The following DLC1 variants were observed in gnomAD, a reference collection of about 807,000 sequenced individuals.
DLC1 encodes DLC1 Rho GTPase activating protein, also known as rho GTPase-activating protein 7.
Under a neutral mutation model 140.3 loss-of-function variants are expected in DLC1, and 54 were observed. The observed-to-expected ratio is 0.38, with a 90% CI of 0.31 to 0.48. DLC1 has a LOEUF of 0.48. Ranked by LOEUF, DLC1 falls within the 20% of genes least tolerant of loss-of-function variation. The probability of loss-of-function intolerance (pLI) is 0.96; values close to 1 mark genes in which losing one functional copy is unlikely to be tolerated. For missense variants in DLC1, 2,536 were observed against 1,907.0 expected, an observed-to-expected ratio of 1.33 and a Z score of -6.14; for synonymous variants, 986 against 728.1, an observed-to-expected ratio of 1.35 and a Z score of -5.70.
At chr8:13,341,451 G>C (rs913900827) in intron 4 of DLC1, 1 of 150,682 alleles carries the variant, frequency 6.6e-6, no homozygotes, top group Non-Finnish European at 1.5e-5. Context: ...CCCCACACAT[G>C]GTTTCTGATT....
intron 2 of DLC1, among the ~76,000 whole-genome samples, chr8:13,492,744 C>T (rs975669884): frequency 5.3e-5 from 8 of 152,274 alleles, no homozygotes; most frequent in East Asian, 3.9e-4. Context: ...TTTTACCAGA[C>T]GCTATACCTA....
intron 5 of DLC1, among the ~76,000 whole-genome samples, chr8:13,164,830 A>G (rs1824985150): frequency 6.6e-6 from 1 of 152,192 alleles, no homozygotes; most frequent in Admixed American, 6.5e-5. Flanking sequence ...AATTCAGTGG[A>G]ATTGCCTTAA....
intron 4 of DLC1, among the ~76,000 whole-genome samples, chr8:13,379,279 AC>A (rs1836142474): frequency 1.3e-5 from 2 of 152,220 alleles, no homozygotes; most frequent in South Asian, 4.2e-4. Flanking sequence ...TCCTGATCTG[AC>A]CGTTTGAGAC....
At chr8:13,433,142 C>A (rs7842856) in intron 2 of DLC1, among the ~76,000 whole-genome samples, 1 of 152,002 alleles carries the variant, frequency 6.6e-6, no homozygotes, top group Non-Finnish European at 1.5e-5. Flanking sequence ...TTGAAGAGAA[C>A]AGGCATTCCT....
intron 4 of DLC1, among the ~76,000 whole-genome samples, chr8:13,332,383 T>C (rs1415783786): frequency 1.3e-5 from 2 of 151,846 alleles, no homozygotes; most frequent in African/African-American, 2.4e-5. Context: ...TAGCATACCT[T>C]GGTAGCTGCT....
At chr8:13,517,027 A>G (rs750156800), upstream of DLC1, among the ~76,000 whole-genome samples, 1 of 152,194 alleles carries the variant, frequency 6.6e-6, no homozygotes, top group Non-Finnish European at 1.5e-5. Flanking sequence ...TTCTCTTTAA[A>G]AATAGAGACA....
intron 4 of DLC1, among the ~76,000 whole-genome samples, chr8:13,388,634 C>G (rs1347921763): frequency 6.6e-6 from 1 of 151,856 alleles, no homozygotes; most frequent in Non-Finnish European, 1.5e-5. Flanking sequence ...AATAACACTT[C>G]AGAAAATAAT....
intron 1 of DLC1, among the ~76,000 whole-genome samples, chr8:13,510,789 G>T (rs1802323675): frequency 6.6e-6 from 1 of 152,080 alleles, no homozygotes; most frequent in South Asian, 2.1e-4. Context: ...TCCTTCTGGT[G>T]CTTAATGAAC....
chr8:13,491,129 T>A (rs1023002770), intron 2 of DLC1, among the ~76,000 whole-genome samples: 2 of 149,252 alleles, frequency 1.3e-5, no homozygotes, highest in South Asian at 2.1e-4. Context: ...GATTTAATAT[T>A]TTTTTATATA....
chr8:13,261,793 A>G (rs935103697), intron 5 of DLC1, among the ~76,000 whole-genome samples: 1 of 152,234 alleles, frequency 6.6e-6, no homozygotes, highest in Admixed American at 6.5e-5. Flanking sequence ...TGGAAAGACA[A>G]AAAGCTCAAT....
At chr8:13,445,294 A>G (rs1472081189) in intron 2 of DLC1, among the ~76,000 whole-genome samples, 1 of 152,210 alleles carries the variant, frequency 6.6e-6, no homozygotes, top group Non-Finnish European at 1.5e-5. Flanking sequence ...GGGAACAGAA[A>G]GCAGAATTGT....
rs777129426 is a variant in DLC1, at chr8:13,110,836, T to C, written c.1421-13A>G. On this transcript the variant is annotated splice_polypyrimidine_tract_variant and intron_variant, in intron 6 of 17. Coordinates refer to ENST00000276297, the MANE Select transcript of DLC1 (RefSeq NM_182643.3). ...GGGAACAGGAAATCTATGAGAAAAA[T>C]AAACAGATGTATTTGTTGAGCGCCT... The C allele has an allele frequency of 2.1e-5, 34 of 1,613,072 alleles. No homozygotes were observed. Among genetic ancestry groups the C allele is most frequent in the Non-Finnish European group, 2.9e-5 (34 of 1,179,460 alleles).
chr8:13,451,037 CAAAAAAAAAAAAAAAAAAAAA>C (rs1169620786), intron 2 of DLC1, among the ~76,000 whole-genome samples: 3 of 18,380 alleles, frequency 1.6e-4, no homozygotes, highest in Non-Finnish European at 4.2e-4. Context: ...GACTCCGTCT[CAAAAAAAAAAAAAAAAAAAAA>C]AAAAAAAAAA....
At chr8:13,512,316 A>T (rs935658700) in intron 1 of DLC1, among the ~76,000 whole-genome samples, 1 of 152,156 alleles carries the variant, frequency 6.6e-6, no homozygotes, top group Non-Finnish European at 1.5e-5. Context: ...TTTATGAGAA[A>T]GGGTCTTGTC....
rs755875893 is a variant in DLC1 at position 13,499,370 on chromosome 8, T to C, written c.702A>G (p.Gln234=). ...CTTTAGGGGGGTCAGGTTTCCTTCG[T>C]TGCTGAGCAATTACAGCAGAGTTAA... The part of the protein sequence containing the change: ...QLLNSAVIAQ[Q]RRKPDPPKDE... The change falls in exon 2 of 18, where the codon CAA becomes CAG. Residue 234 remains glutamine (Q), a synonymous_variant. Transcript: ENST00000276297. 3.7e-6 allele frequency: 6 copies of C among 1,613,914 alleles called. No individual in the cohort carries two copies. In the Admixed American group the frequency reaches 5.0e-5, roughly 13 times the overall value.
At chr8:13,096,992 TG>T (rs1818550513) in intron 10 of DLC1, among the ~76,000 whole-genome samples, 1 of 152,166 alleles carries the variant, frequency 6.6e-6, no homozygotes, top group Admixed American at 6.5e-5. Flanking sequence ...AAAATTAAGA[TG>T]TACCCAGATT....
intron 4 of DLC1, among the ~76,000 whole-genome samples, chr8:13,326,399 A>G (rs539886794): frequency 8.5e-5 from 13 of 152,236 alleles, no homozygotes; most frequent in Non-Finnish European, 1.6e-4. Flanking sequence ...AAGGCTGACC[A>G]AAAAGAATAC....
Position 13,162,749 on chromosome 8 carries a change from G to A in DLC1, c.1349-47092C>T, listed in dbSNP as rs569653442. 1.4e-4 allele frequency among the ~76,000 whole-genome samples: 21 copies of A among 152,232 alleles called. No individual in the cohort carries two copies. In the East Asian group the frequency reaches 4.1e-3, roughly 30 times the overall value. On this transcript the variant is annotated intron_variant, in intron 5 of 17. Coordinates refer to ENST00000276297, the MANE Select transcript of DLC1 (RefSeq NM_182643.3). ...GAGGCCGGGAGTTGGAAACCAGCCTGGGCAGCACAGTGAGACCCCGTCTTT... is the reference window on the plus strand; with the variant it reads ...GAGGCCGGGAGTTGGAAACCAGCCTAGGCAGCACAGTGAGACCCCGTCTTT...
At chr8:13,545,883 C>T (rs1375354683) in intron 1 of DLC1, among the ~76,000 whole-genome samples, 4 of 151,938 alleles carry the variant, frequency 2.6e-5, no homozygotes, top group Non-Finnish European at 5.9e-5. Context: ...ATGCATAAAA[C>T]GGTAAGAAGC....
Sources: allele counts gnomAD v4.1 joint callset (sites outside exome capture counted in the v4.1 genomes callset), GRCh38; gene constraint gnomAD v4.1.1; transcripts MANE v1.5; gene names NCBI Gene and HGNC (gene_info 2026-07-23, HGNC 2026-07-21).